The following ARAP2 variants were observed in gnomAD, a reference collection of about 807,000 sequenced individuals.
The protein encoded by ARAP2 is ArfGAP with RhoGAP domain, ankyrin repeat and PH domain 2, also known as arf-GAP with Rho-GAP domain, ANK repeat and PH domain-containing protein 2.
ARAP2 carries 148 observed loss-of-function variants against 194.5 expected under a neutral mutation model. The observed-to-expected ratio is 0.76, with a 90% CI of 0.67 to 0.87. ARAP2 has a LOEUF of 0.87. Ranked by LOEUF, ARAP2 falls within the 40% of genes least tolerant of loss-of-function variation. The pLI is 0.00. For missense variants in ARAP2, 2,128 were observed against 1,989.7 expected (o/e 1.07, Z -1.32); for synonymous variants, 695 against 683.5 (o/e 1.02, Z -0.26).
chr4:36,083,576 G>T, intron 28 of ARAP2, 126 bp from the exon 29 acceptor site: 1 of 668,032 alleles, frequency 1.5e-6, no homozygotes, highest in African/African-American at 1.8e-5. Context: ...AACATTTCAT[G>T]AGTTTAGTAA....
At position 36,124,925 on chromosome 4, in the gene ARAP2, A is replaced by C; in HGVS notation, c.3683T>G (p.Phe1228Cys). The change falls in exon 22 of 33, where the codon TTT becomes TGT. Residue 1228 changes from phenylalanine (F) to cysteine (C), a missense_variant. By Grantham distance (205) the Phe-to-Cys change is radical (BLOSUM62 -2). Coordinates refer to ENST00000303965, the MANE Select transcript of ARAP2 (RefSeq NM_015230.4). ...GTTGACCCCTGGAAGAGAACGTATA[A>C]ATGCTCCATATTTTTTAATTCTTTC... ...DKERIKKYGA[F>C]IRSLPGVNRA... 6.2e-7 allele frequency: 1 copy of C among 1,611,136 alleles called. No individual in the cohort carries two copies. The highest frequency in any genetic ancestry group is 8.5e-7 in the Non-Finnish European group (1 of 1,178,176).
intron 5 of ARAP2, among the ~76,000 whole-genome samples, chr4:36,030,058 A>C (rs549708593): frequency 6.6e-4 from 101 of 152,206 alleles, no homozygotes; most frequent in African/African-American, 2.3e-3. Flanking sequence ...GTCAACTCTT[A>C]GTTGGATGAT....
At position 36,147,693 on chromosome 4, in the gene ARAP2, A is replaced by G; in HGVS notation, c.3054T>C (p.Ile1018=). ...ENLTEADYDL[I]GQLFYKDCHA... ...GGCAGTCTTTGTAGAAGAGTTGACC[A>G]ATCAAATCATAGTCAGCTTCTGTTA... The change falls in exon 18 of 33, where the codon ATT becomes ATC. Residue 1018 remains isoleucine, a synonymous_variant. Transcript: ENST00000303965. The G allele has an allele frequency of 6.2e-7, 1 of 1,612,848 alleles. No individual in the cohort carries two copies. The highest frequency in any genetic ancestry group is 8.5e-7 in the Non-Finnish European group (1 of 1,179,496).
intron 5 of ARAP2, among the ~76,000 whole-genome samples, chr4:36,034,964 G>T (rs1262983740): frequency 1.3e-5 from 2 of 151,954 alleles, no homozygotes; most frequent in Admixed American, 1.3e-4. Flanking sequence ...TTAGCATTTT[G>T]ATGTGCTTTT....
chr4:36,221,523 A>T (rs1467246690), intron 2 of ARAP2, among the ~76,000 whole-genome samples: 8 of 148,742 alleles, frequency 5.4e-5, no homozygotes, highest in East Asian at 1.9e-4. Context: ...AACTTACATT[A>T]AAAAAAAAAG....
rs577761837 is a variant in ARAP2, at chr4:36,012,404, TA to T, written n.1325+158del. On this transcript the variant is annotated intron_variant and non_coding_transcript_variant, in intron 9 of 12. Transcript: ENST00000503225. The stretch of plus-strand genomic sequence containing the variant: ...TCTTTGATATCTTTATAATACTGAT[TA>T]TTTTTCAACTTTACTTAGTGTTGAA... Among the ~76,000 whole-genome samples, 375 of 152,358 alleles carry T rather than the reference TA, an allele frequency of 2.5e-3. 2 individuals are homozygous for T. Among genetic ancestry groups the T allele is most frequent in the African/African-American group, 8.7e-3 (361 of 41,586 alleles).
intron 1 of ARAP2, among the ~76,000 whole-genome samples, chr4:36,058,367 T>C (rs1321421795): frequency 6.6e-6 from 1 of 152,240 alleles, no homozygotes; most frequent in East Asian, 1.9e-4. Flanking sequence ...TGTTGTTTCC[T>C]GAACAAGACT....
At chr4:36,053,747 T>C (rs752501321) in intron 2 of ARAP2, among the ~76,000 whole-genome samples, 6 of 152,222 alleles carry the variant, frequency 3.9e-5, no homozygotes, top group Non-Finnish European at 8.8e-5. Context: ...ATGGAGGCTG[T>C]GTTTACTCGG....
At chr4:36,070,724 A>C (rs1388662652) in intron 32 of ARAP2, among the ~76,000 whole-genome samples, 1 of 152,196 alleles carries the variant, frequency 6.6e-6, no homozygotes, top group Non-Finnish European at 1.5e-5. Context: ...AAACTCTCTT[A>C]ATTGGCTTTC....
intron 16 of ARAP2, 142 bp downstream of exon 16, chr4:36,150,758 C>G (rs1016038167): frequency 1.2e-6 from 1 of 863,246 alleles, no homozygotes; most frequent in East Asian, 2.7e-5. Context: ...TTTCAGAAGG[C>G]GCAAGATAAG....
chr4:36,104,592 C>T (rs1461397027), intron 27 of ARAP2, among the ~76,000 whole-genome samples: 1 of 151,842 alleles, frequency 6.6e-6, no homozygotes, highest in Non-Finnish European at 1.5e-5. Flanking sequence ...TAAGTCATAA[C>T]TATAAGAAAA....
intron 1 of ARAP2, among the ~76,000 whole-genome samples, chr4:36,233,188 C>A (rs1005172935): frequency 3.9e-5 from 6 of 152,168 alleles, no homozygotes; most frequent in Non-Finnish European, 7.3e-5. Flanking sequence ...GCTCTAGCCC[C>A]AAGCACATCA....
At chr4:36,161,110 A>G (rs1733801152) in intron 12 of ARAP2, among the ~76,000 whole-genome samples, 3 of 151,152 alleles carry the variant, frequency 2.0e-5, no homozygotes, top group Admixed American at 6.6e-5. Flanking sequence ...CTCTCCTATT[A>G]TTTTACCCAT....
intron 19 of ARAP2, among the ~76,000 whole-genome samples, chr4:36,138,956 T>C (rs886646725): frequency 4.6e-5 from 7 of 151,840 alleles, no homozygotes; most frequent in Middle Eastern, 3.4e-3. Flanking sequence ...TTGTTGGCTA[T>C]TCATAGACAT....
At chr4:36,160,383 A>C in intron 13 of ARAP2, 76 bp downstream of exon 13, 1 of 1,329,520 alleles carries the variant, frequency 7.5e-7, no homozygotes, top group Non-Finnish European at 9.8e-7. Context: ...AAAATTTTTT[A>C]CTTTTTCTCA....
intron 2 of ARAP2, among the ~76,000 whole-genome samples, chr4:36,225,711 G>A (rs1750154375): frequency 6.6e-6 from 1 of 152,028 alleles, no homozygotes; most frequent in Admixed American, 6.6e-5. Context: ...TGTCCAGGGA[G>A]AGAAAAACAA....
intron 27 of ARAP2, among the ~76,000 whole-genome samples, chr4:36,099,441 T>C (rs756900940): frequency 6.6e-6 from 1 of 152,160 alleles, no homozygotes; most frequent in Admixed American, 6.5e-5. Flanking sequence ...CCACAGAAAA[T>C]ATAATCTAAT....
intron 1 of ARAP2, among the ~76,000 whole-genome samples, chr4:36,233,084 C>T (rs1475110583): frequency 1.3e-5 from 2 of 152,114 alleles, no homozygotes; most frequent in Non-Finnish European, 2.9e-5. Context: ...GCCCTAAAAT[C>T]CTCTCTGCAC....
chr4:36,076,283 G>A (rs1728235836), intron 31 of ARAP2, among the ~76,000 whole-genome samples: 1 of 151,962 alleles, frequency 6.6e-6, no homozygotes, highest in South Asian at 2.1e-4. Context: ...TTTCATGTCT[G>A]TTCAGGGCCT....
Sources: allele counts gnomAD v4.1 joint callset (sites outside exome capture counted in the v4.1 genomes callset), GRCh38; gene constraint gnomAD v4.1.1; transcripts MANE v1.5; gene names NCBI Gene and HGNC (gene_info 2026-07-23, HGNC 2026-07-21).